Variants in DROSHA observed in about 807,000 individuals in gnomAD.
The protein encoded by DROSHA is drosha ribonuclease III, also known as ribonuclease 3.
Under a neutral mutation model 181.9 loss-of-function variants are expected in DROSHA, and 56 were observed. The ratio of observed to expected loss-of-function variants is 0.31; its 90% CI spans 0.25 to 0.38. The LOEUF is 0.38. Among genes scored for constraint, DROSHA ranks in the 10% least tolerant of loss-of-function variants. The pLI, the probability that DROSHA is intolerant of heterozygous loss-of-function variation, is 1.00. For synonymous variants in DROSHA, 524 were observed against 591.2 expected, an observed-to-expected ratio of 0.89 and a Z score of 1.65; for missense variants, 1,218 against 1,743.5, an observed-to-expected ratio of 0.70 and a Z score of 5.37.
At chr5:31,511,804 T>A (rs1402752362) in intron 8 of DROSHA, among the ~76,000 whole-genome samples, 1 of 151,812 alleles carries the variant, frequency 6.6e-6, no homozygotes, top group South Asian at 2.1e-4. Context: ...ACAACTGACA[T>A]CAAATACCCT....
intron 12 of DROSHA, 134 bp downstream of exon 12, chr5:31,495,152 C>T (rs1561251955): frequency 2.0e-6 from 2 of 985,670 alleles, no homozygotes; most frequent in Non-Finnish European, 3.0e-6. Context: ...GTGAGAAAGG[C>T]CAATTTGTCA....
rs1307009533 is a variant in DROSHA at position 31,504,580 on chromosome 5, C to T, written c.1643G>A (p.Arg548Lys). The change falls in exon 11 of 36, where the codon AGG (arginine) becomes AAG (lysine). Residue 548 changes from arginine to lysine, a missense_variant. Around this residue, in one of 8 missense-constraint regions of DROSHA, gnomAD observed 460 missense variants for 774.2 expected, o/e 0.59. Coordinates refer to ENST00000344624, the MANE Select transcript of DROSHA (RefSeq NM_001382508.1). The stretch of plus-strand genomic sequence containing the variant: ...CTCTTCTCCAGGATAAATGCTGTGC[C>T]TAATTCCTGTGCGTCTTGCCTTTGC... ...CSAKARRTGI[R>K]HSIYPGEEAI... 6.2e-7 allele frequency: 1 copy of T among 1,613,972 alleles called. No individual in the cohort carries two copies. Among genetic ancestry groups the T allele is most frequent in the Non-Finnish European group, 8.5e-7 (1 of 1,179,878 alleles).
chr5:31,499,960 G>A (rs888113569), intron 11 of DROSHA, among the ~76,000 whole-genome samples: 15 of 152,202 alleles, frequency 9.9e-5, no homozygotes, highest in Non-Finnish European at 1.6e-4. Flanking sequence ...GCTTACCTGT[G>A]AGAGGGGCCA....
chr5:31,462,786 G>A (rs1748555951), intron 20 of DROSHA, among the ~76,000 whole-genome samples: 1 of 151,976 alleles, frequency 6.6e-6, no homozygotes, highest in Non-Finnish European at 1.5e-5. Flanking sequence ...CAATCAGGCA[G>A]TTATTCTTTA....
intron 33 of DROSHA, 144 bp downstream of exon 33, chr5:31,408,912 C>T: frequency 4.2e-6 from 3 of 708,620 alleles, no homozygotes; most frequent in Non-Finnish European, 2.3e-6. Context: ...CCTGTGGGGC[C>T]CAAAGTCACA....
intron 25 of DROSHA, among the ~76,000 whole-genome samples, chr5:31,435,092 T>G (rs1744633215): frequency 6.6e-6 from 1 of 152,242 alleles, no homozygotes; most frequent in African/African-American, 2.4e-5. Context: ...ATTTGTCAAT[T>G]TGTCCATGGC....
chr5:31,517,272 TC>T (rs1368223535), intron 6 of DROSHA, among the ~76,000 whole-genome samples: 1 of 152,230 alleles, frequency 6.6e-6, no homozygotes, highest in African/African-American at 2.4e-5. Flanking sequence ...TGTAACCGTT[TC>T]CAGTTTCTTG....
rs1390138778 is a variant in DROSHA, at chr5:31,523,188, C to T, written c.855-1973G>A. On this transcript the variant is annotated intron_variant, in intron 5 of 35. Coordinates refer to ENST00000344624, the MANE Select transcript of DROSHA (RefSeq NM_001382508.1). Reference sequence around the variant, plus strand: ...GAAGCATGCCATATAAGACAGATGACTGACATTCCACCTAATTAATATCCC... The same window carrying T: ...GAAGCATGCCATATAAGACAGATGATTGACATTCCACCTAATTAATATCCC... Among the ~76,000 whole-genome samples, 3 of 152,332 alleles carry T rather than the reference C, an allele frequency of 2.0e-5. No individual in the cohort carries two copies. The East Asian group carries it at 5.8e-4, about 29-fold the overall frequency.
At chr5:31,479,413 A>G (rs538258070) in intron 16 of DROSHA, among the ~76,000 whole-genome samples, 121 of 152,316 alleles carry the variant, frequency 7.9e-4, no homozygotes, top group African/African-American at 2.7e-3. Context: ...TGCTGGGTCA[A>G]TTGGATACCC....
At chr5:31,488,423 A>AT (rs1200178875) in intron 13 of DROSHA, among the ~76,000 whole-genome samples, 79 of 150,568 alleles carry the variant, frequency 5.2e-4, no homozygotes, top group Admixed American at 8.6e-4. Context: ...CAAAAAAAAA[A>AT]AAAAAAAAAA....
At chr5:31,496,059 G>A (rs1417986972) in intron 11 of DROSHA, among the ~76,000 whole-genome samples, 1 of 152,186 alleles carries the variant, frequency 6.6e-6, no homozygotes, top group Admixed American at 6.5e-5. Context: ...GCATTTTCCA[G>A]CATGGCAAGG....
Position 31,424,421 on chromosome 5 carries a change from A to T in DROSHA, c.3261+6T>A. On this transcript the variant is annotated splice_donor_region_variant and intron_variant, in intron 28 of 35. Transcript: ENST00000344624. ...AGCTCACTGCAGACAGGGAGGTCAT[A>T]CTTACTTGGAGTGGGTGGAGAGGAT... 2 of 1,597,512 alleles carry T rather than the reference A, an allele frequency of 1.3e-6. No individual in the cohort carries two copies. The highest frequency in any genetic ancestry group is 8.5e-7 in the Non-Finnish European group (1 of 1,171,948).
chr5:31,436,527 G>A (rs1468680872), intron 24 of DROSHA, among the ~76,000 whole-genome samples: 1 of 151,816 alleles, frequency 6.6e-6, no homozygotes, highest in Non-Finnish European at 1.5e-5. Context: ...CAGGTAGCTG[G>A]GACTACAGGC....
chr5:31,444,938 AT>A (rs1182578013), intron 23 of DROSHA, among the ~76,000 whole-genome samples: 1 of 152,220 alleles, frequency 6.6e-6, no homozygotes, highest in African/African-American at 2.4e-5. Context: ...AGGCAAGTCA[AT>A]TTTTTAAAAA....
At chr5:31,487,270 C>T (rs967407623) in intron 13 of DROSHA, among the ~76,000 whole-genome samples, 5 of 152,170 alleles carry the variant, frequency 3.3e-5, no homozygotes, top group Non-Finnish European at 7.4e-5. Flanking sequence ...CGAAGTCTTT[C>T]TCTAGACTCC....
At chr5:31,468,766 A>C (rs1010606362) in intron 17 of DROSHA, among the ~76,000 whole-genome samples, 2 of 151,942 alleles carry the variant, frequency 1.3e-5, no homozygotes, top group Non-Finnish European at 2.9e-5. Context: ...CCTTATAATC[A>C]CCTCTCAGGA....
At chr5:31,451,450 G>A in intron 21 of DROSHA, 83 bp downstream of exon 21, 2 of 1,154,320 alleles carry the variant, frequency 1.7e-6, no homozygotes, top group Admixed American at 4.1e-5. Context: ...CCAGGATAGA[G>A]AACCCAATGT....
intron 13 of DROSHA, among the ~76,000 whole-genome samples, chr5:31,490,366 A>G (rs529691983): frequency 1.3e-5 from 2 of 151,682 alleles, no homozygotes; most frequent in Middle Eastern, 3.4e-3. Context: ...ATTTTTTTGT[A>G]GAGATGAGGT....
intron 23 of DROSHA, among the ~76,000 whole-genome samples, chr5:31,446,231 G>A (rs1218633008): frequency 1.3e-5 from 2 of 152,078 alleles, no homozygotes; most frequent in East Asian, 3.9e-4. Flanking sequence ...CGGATCACAA[G>A]GTCAGGACAT....
Sources: gnomAD v4.1 joint callset for allele counts (sites outside exome capture counted in the v4.1 genomes callset) on GRCh38, gnomAD v4.1.1 for gene constraint, gnomAD v4.1.1 regional missense constraint, MANE v1.5 for transcripts, NCBI Gene and HGNC (gene_info 2026-07-23, HGNC 2026-07-21) for gene names.